The following RNGTT variants were observed in gnomAD, a reference collection of about 807,000 sequenced individuals.
RNGTT encodes mRNA-capping enzyme.
In RNGTT, 33 loss-of-function variants were observed where a neutral mutation model predicts 79.3. That is an observed-to-expected ratio of 0.42 (90% CI 0.32 to 0.56). RNGTT has a LOEUF of 0.56. RNGTT is among the 20% of genes least tolerant of loss of function. The pLI is 0.17. For missense variants in RNGTT, 497 were observed against 739.1 expected (o/e 0.67, Z 3.80); for synonymous variants, 222 against 235.9 (o/e 0.94, Z 0.54).
In RNGTT at chr6:88,731,970, T is replaced by C. The variant is rs78934956; in HGVS notation, c.1439+37804A>G. On this transcript the variant is annotated intron_variant, in intron 13 of 15. Transcript: ENST00000369485. ...TCATAAGGAAGAGAACATATATATA[T>C]ATTTACTATTCACTAAGTGGAAGTG... Among the ~76,000 whole-genome samples the C allele has an allele frequency of 4.5e-3, 681 of 152,264 alleles. 2 individuals are homozygous for C. Among genetic ancestry groups the C allele is most frequent in the African/African-American group, 0.015 (644 of 41,550 alleles).
intron 10 of RNGTT, among the ~76,000 whole-genome samples, chr6:88,846,593 G>C (rs1195651662): frequency 1.3e-5 from 2 of 151,768 alleles, no homozygotes; most frequent in Non-Finnish European, 2.9e-5. Context: ...TTGTATTTTT[G>C]TGCTAAAAAT....
chr6:88,793,817 T>A (rs142956458), intron 12 of RNGTT, among the ~76,000 whole-genome samples: 2 of 152,082 alleles, frequency 1.3e-5, no homozygotes, highest in East Asian at 3.8e-4. Flanking sequence ...AAAGAAATCA[T>A]GGCAGGAGAA....
intron 6 of RNGTT, 72 bp downstream of exon 6, chr6:88,904,643 C>T: frequency 2.7e-6 from 4 of 1,461,202 alleles, no homozygotes; most frequent in Non-Finnish European, 2.8e-6. Context: ...GCCAATATTC[C>T]ATTTTTATAA....
At chr6:88,632,036 C>G (rs1355630521) in intron 14 of RNGTT, among the ~76,000 whole-genome samples, 1 of 152,162 alleles carries the variant, frequency 6.6e-6, no homozygotes, top group Non-Finnish European at 1.5e-5. Context: ...TCACAGCTCA[C>G]TGCAGCCTCA....
chr6:88,835,466 A>G (rs1289157278), intron 11 of RNGTT, among the ~76,000 whole-genome samples: 1 of 152,224 alleles, frequency 6.6e-6, no homozygotes, highest in Non-Finnish European at 1.5e-5. Flanking sequence ...AAGAGAATGC[A>G]TTATTATTTT....
intron 14 of RNGTT, among the ~76,000 whole-genome samples, chr6:88,649,002 C>T (rs1582277887): frequency 2.0e-5 from 3 of 152,130 alleles, no homozygotes; most frequent in Admixed American, 1.3e-4. Flanking sequence ...TTGGAAACTG[C>T]GACCTTAAGC....
At chr6:88,803,144 T>A (rs1779840662) in intron 11 of RNGTT, among the ~76,000 whole-genome samples, 1 of 152,216 alleles carries the variant, frequency 6.6e-6, no homozygotes, top group South Asian at 2.1e-4. Flanking sequence ...TTCTCTAAAC[T>A]GAGGGCAGTT....
chr6:88,800,484 A>C (rs1007129468), intron 12 of RNGTT, among the ~76,000 whole-genome samples: 2 of 152,192 alleles, frequency 1.3e-5, no homozygotes, highest in African/African-American at 4.8e-5. Context: ...TCCATATATA[A>C]ATTCTCAACT....
At chr6:88,707,080 T>C (rs1015948570) in intron 13 of RNGTT, among the ~76,000 whole-genome samples, 1 of 152,140 alleles carries the variant, frequency 6.6e-6, no homozygotes. Flanking sequence ...TTTTAGATAG[T>C]AGGCAAAAAT....
intron 4 of RNGTT, among the ~76,000 whole-genome samples, chr6:88,927,904 A>G (rs1183527055): frequency 6.6e-6 from 1 of 151,982 alleles, no homozygotes; most frequent in African/African-American, 2.4e-5. Flanking sequence ...ACCAACAGAA[A>G]TAACAGAAAA....
At position 88,704,273 on chromosome 6, in the gene RNGTT, A is replaced by AAAAC. The variant is rs1562206048; in HGVS notation, c.1440-25855_1440-25854insGTTT. Among the ~76,000 whole-genome samples, 338 of 149,888 alleles carry AAAAC rather than the reference A, an allele frequency of 2.3e-3. 7 individuals are homozygous for AAAAC. Among genetic ancestry groups the AAAAC allele is most frequent in the African/African-American group, 7.9e-3 (322 of 40,586 alleles). On this transcript the variant is annotated intron_variant, in intron 13 of 15. Coordinates refer to ENST00000369485, the MANE Select transcript of RNGTT (RefSeq NM_003800.5). ...AGACTCTGTCTCAAAAAAAAAAAAA[A>AAAAC]AAAAAAAAAAAAAGACAGACTTCAA... is the stretch of plus-strand genomic sequence containing the variant.
At chr6:88,778,835 C>T (rs1199256583) in intron 12 of RNGTT, among the ~76,000 whole-genome samples, 2 of 152,098 alleles carry the variant, frequency 1.3e-5, no homozygotes, top group South Asian at 2.1e-4. Context: ...AAATAATGCA[C>T]ATTATTTTCC....
intron 11 of RNGTT, among the ~76,000 whole-genome samples, chr6:88,840,060 G>T (rs1466299059): frequency 6.6e-6 from 1 of 152,204 alleles, no homozygotes; most frequent in African/African-American, 2.4e-5. Flanking sequence ...TTTTATAGCT[G>T]TAAATTTTGT....
At chr6:88,681,925 T>C (rs1775109014) in intron 13 of RNGTT, among the ~76,000 whole-genome samples, 1 of 152,170 alleles carries the variant, frequency 6.6e-6, no homozygotes, top group African/African-American at 2.4e-5. Context: ...ACAAAAACAA[T>C]TTATCACAGC....
At chr6:88,799,724 G>T (rs1002844941) in intron 12 of RNGTT, among the ~76,000 whole-genome samples, 58 of 115,758 alleles carry the variant, frequency 5.0e-4, no homozygotes, top group Non-Finnish European at 7.2e-4. Flanking sequence ...AAAAAAAAAA[G>T]TATGGTTACT....
chr6:88,714,040 A>T (rs1460286767), intron 13 of RNGTT, among the ~76,000 whole-genome samples: 1 of 152,184 alleles, frequency 6.6e-6, no homozygotes, highest in African/African-American at 2.4e-5. Context: ...AATGCACTGA[A>T]TGCTCTTGGA....
chr6:88,876,926 A>G (rs1253543358), intron 8 of RNGTT, among the ~76,000 whole-genome samples: 1 of 152,122 alleles, frequency 6.6e-6, no homozygotes, highest in African/African-American at 2.4e-5. Context: ...GTTGGTTTTT[A>G]TTTTTAAATA....
intron 14 of RNGTT, among the ~76,000 whole-genome samples, chr6:88,658,902 G>C (rs1408967391): frequency 6.6e-6 from 1 of 152,250 alleles, no homozygotes; most frequent in Non-Finnish European, 1.5e-5. Flanking sequence ...TTCGGCCACA[G>C]ACTGAAGGCT....
At chr6:88,640,520 C>A (rs1773269943) in intron 14 of RNGTT, among the ~76,000 whole-genome samples, 1 of 144,376 alleles carries the variant, frequency 6.9e-6, no homozygotes, top group African/African-American at 2.6e-5. Context: ...GCACTCCAGC[C>A]TGGGTGACAG....
Sources: allele counts gnomAD v4.1 joint callset (sites outside exome capture counted in the v4.1 genomes callset), GRCh38; gene constraint gnomAD v4.1.1; transcripts MANE v1.5; gene names NCBI Gene and HGNC (gene_info 2026-07-23, HGNC 2026-07-21).